The following TMT1A variants were observed in gnomAD, a reference collection of about 807,000 sequenced individuals.
TMT1A encodes the protein thiol S-methyltransferase TMT1A.
chr12:50,929,698 A>G, the TMT1A span, among the ~76,000 whole-genome samples: 3 of 152,250 alleles, frequency 2.0e-5, no homozygotes, highest in Non-Finnish European at 4.4e-5. Context: ...TTCATTAATC[A>G]TATCACGTAC....
At chr12:50,930,126 T>A in the TMT1A span, 1 of 1,611,578 alleles carries the variant, frequency 6.2e-7, no homozygotes, top group Non-Finnish European at 8.5e-7. Context: ...TGCGCCCTCA[T>A]ATCTATGGAT....
chr12:50,925,461 G>A, the TMT1A span: 5 of 1,614,082 alleles, frequency 3.1e-6, no homozygotes, highest in African/African-American at 5.3e-5. Context: ...TGGATGTGGT[G>A]GTCTGCACCC....
At chr12:50,929,691 A>T in the TMT1A span, among the ~76,000 whole-genome samples, 3 of 152,240 alleles carry the variant, frequency 2.0e-5, no homozygotes, top group South Asian at 6.2e-4. Context: ...CAGAATTTTC[A>T]TTAATCATAT....
chr12:50,927,312 CCA>C, the TMT1A span, among the ~76,000 whole-genome samples: 1 of 152,144 alleles, frequency 6.6e-6, no homozygotes, highest in Non-Finnish European at 1.5e-5. Context: ...CAGGTGTGAG[CCA>C]CCATGCCCAA....
chr12:50,931,087 T>C, the TMT1A span: 8 of 132,108 alleles, frequency 6.1e-5, no homozygotes, highest in Admixed American at 2.2e-4. Flanking sequence ...TTTTTTCCAA[T>C]TGCTTTTTTT....
the TMT1A span, chr12:50,930,252 C>T: frequency 6.7e-5 from 50 of 743,508 alleles, no homozygotes; most frequent in Middle Eastern, 4.3e-4. Context: ...TTTTGGGGGG[C>T]GGTTTTTTTG....
chr12:50,930,272 TG>T, the TMT1A span: 20 of 754,930 alleles, frequency 2.6e-5, no homozygotes, highest in Admixed American at 1.7e-4. Context: ...GGTTTGTTGT[TG>T]GTTTTTTTTT....
chr12:50,926,367 G>A, the TMT1A span, among the ~76,000 whole-genome samples: 17 of 152,256 alleles, frequency 1.1e-4, no homozygotes, highest in African/African-American at 3.9e-4. Context: ...GGGTTTAGGG[G>A]ACTGGACACC....
chr12:50,928,500 A>AC, the TMT1A span, among the ~76,000 whole-genome samples: 2 of 152,094 alleles, frequency 1.3e-5, no homozygotes, highest in African/African-American at 4.8e-5. Context: ...TGGTGGCTCC[A>AC]CCCCATTCCC....
chr12:50,928,436 C>T, the TMT1A span, among the ~76,000 whole-genome samples: 10 of 152,200 alleles, frequency 6.6e-5, no homozygotes, highest in South Asian at 2.1e-4. Flanking sequence ...TTGCCCCCTT[C>T]GCAACTGAAA....
the TMT1A span, among the ~76,000 whole-genome samples, chr12:50,928,151 C>T: frequency 2.0e-5 from 3 of 152,204 alleles, no homozygotes; most frequent in Admixed American, 1.3e-4. Context: ...ATTCTTACCA[C>T]TGTACCACAG....
the TMT1A span, chr12:50,930,273 GGTT>G: frequency 1.5e-6 from 1 of 688,394 alleles, no homozygotes; most frequent in Non-Finnish European, 2.2e-6. Flanking sequence ...GTTTGTTGTT[GGTT>G]TTTTTTTTTT....
chr12:50,928,965 C>T, the TMT1A span, among the ~76,000 whole-genome samples: 2 of 151,980 alleles, frequency 1.3e-5, no homozygotes, highest in Non-Finnish European at 2.9e-5. Flanking sequence ...GGGCCGGGCA[C>T]GGTAGCTCAC....
At chr12:50,931,695 GA>G in the TMT1A span, 2 of 127,092 alleles carry the variant, frequency 1.6e-5, no homozygotes, top group African/African-American at 6.1e-5. Context: ...TGGGTGACAA[GA>G]GCAAGACTCC....
chr12:50,925,164 G>T, the TMT1A span: 2 of 1,614,168 alleles, frequency 1.2e-6, no homozygotes, highest in Non-Finnish European at 1.7e-6. Context: ...TCTTGGTGAG[G>T]TTCACTGTGA....
the TMT1A span, among the ~76,000 whole-genome samples, chr12:50,926,964 G>A: frequency 6.6e-6 from 1 of 152,120 alleles, no homozygotes; most frequent in Non-Finnish European, 1.5e-5. Flanking sequence ...TTGAAGATAT[G>A]GATATCTTAA....
chr12:50,928,553 G>A, the TMT1A span, among the ~76,000 whole-genome samples: 19 of 152,296 alleles, frequency 1.2e-4, no homozygotes, highest in Non-Finnish European at 2.2e-4. Flanking sequence ...GGCATGTTTA[G>A]GCAAGCCCCT....
At chr12:50,930,434 C>T in the TMT1A span, 2 of 234,010 alleles carry the variant, frequency 8.5e-6, no homozygotes, top group East Asian at 9.8e-5. Flanking sequence ...TGCCCACCAC[C>T]ATGCCCAGCT....
the TMT1A span, among the ~76,000 whole-genome samples, chr12:50,927,265 G>A: frequency 3.3e-5 from 5 of 152,074 alleles, no homozygotes; most frequent in South Asian, 2.1e-4. Context: ...GGGCTCAAGT[G>A]GTCTGCCCAC....
Sources: gnomAD v4.1 joint callset for allele counts (sites outside exome capture counted in the v4.1 genomes callset) on GRCh38, gnomAD v4.1.1 for gene constraint, MANE v1.5 for transcripts, NCBI Gene and HGNC (gene_info 2026-07-23, HGNC 2026-07-21) for gene names.